EPC2: variants seen among roughly 807,000 people sequenced by gnomAD.
EPC2 encodes enhancer of polycomb 2, also known as enhancer of polycomb homolog 2.
Under a neutral mutation model 92.1 loss-of-function variants are expected in EPC2, and 14 were observed. The observed-to-expected ratio is 0.15, with a 90% CI of 0.10 to 0.24. The LOEUF is 0.24. Ranked by LOEUF, EPC2 falls within the 10% of genes least tolerant of loss-of-function variation. EPC2 has a pLI of 1.00. For synonymous variants in EPC2, 340 were observed against 334.7 expected, an observed-to-expected ratio of 1.02 and a Z score of -0.17; for missense variants, 755 against 971.5, an observed-to-expected ratio of 0.78 and a Z score of 2.96.
rs563213879 is a variant in EPC2, at chr2:148,768,478, A to G, written c.1141-673A>G. On this transcript the variant is annotated intron_variant, in intron 7 of 13. Coordinates refer to ENST00000258484, the MANE Select transcript of EPC2 (RefSeq NM_015630.4). ...TGGGAAGAGTGCTTTCTAATATGTG[A>G]CAGCTTTCTGAAAGTCTTTATTCTT... Among the ~76,000 whole-genome samples the G allele has an allele frequency of 2.0e-5, 3 of 152,348 alleles. No homozygotes were observed. The East Asian group carries it at 5.8e-4, about 29-fold the overall frequency.
At position 148,718,749 on chromosome 2, in the gene EPC2, G is replaced by A. The variant is rs374272180; in HGVS notation, c.314-24873G>A. ...ATTCTTCTCATGGAGTATCTTACTG[G>A]GGTTCTCTGTATTTCCTGAATTTGA... On this transcript the variant is annotated intron_variant, in intron 2 of 13. Coordinates refer to ENST00000258484, the MANE Select transcript of EPC2 (RefSeq NM_015630.4). Among the ~76,000 whole-genome samples the A allele has an allele frequency of 3.9e-5, 6 of 152,134 alleles. No homozygotes were observed. The East Asian group carries it at 5.8e-4, about 15-fold the overall frequency.
At chr2:148,667,930 CTG>C (rs1681084322) in intron 1 of EPC2, among the ~76,000 whole-genome samples, 1 of 152,114 alleles carries the variant, frequency 6.6e-6, no homozygotes, top group Admixed American at 6.5e-5. Context: ...GAGTCTCACT[CTG>C]TTGCCCAGGC....
intron 2 of EPC2, among the ~76,000 whole-genome samples, chr2:148,697,674 A>G (rs1681779033): frequency 1.3e-5 from 2 of 152,178 alleles, no homozygotes; most frequent in South Asian, 4.2e-4. Context: ...TAGGGCAGCA[A>G]TACAAGCTGA....
intron 1 of EPC2, among the ~76,000 whole-genome samples, chr2:148,667,151 C>CATTA (rs1681071317): frequency 6.6e-6 from 1 of 152,046 alleles, no homozygotes; most frequent in Non-Finnish European, 1.5e-5. Context: ...TAGGATGGGC[C>CATTA]ACGTTATTAA....
rs1481799809 is a variant in EPC2, at chr2:148,761,830, C to T, written c.715C>T (p.Arg239Ter). Residue 239 changes from arginine to a stop codon, truncating the protein, a stop_gained, in exon 5 of 14, where the codon CGA becomes TGA. Transcript: ENST00000258484. LOFTEE classifies it high-confidence loss of function. ...TTATGAAAAGATGTTGAAACTGAGA[C>T]GAGAATTTAGTAGAGCCATAACAAT... ...ASYEKMLKLR[R>*]EFSRAITILE... The T allele has an allele frequency of 1.9e-6, 3 of 1,581,110 alleles. No homozygotes were observed. Among genetic ancestry groups the T allele is most frequent in the Non-Finnish European group, 1.7e-6 (2 of 1,166,178 alleles).
rs944062076 is a variant in EPC2 at position 148,786,904 on chromosome 2, T to G, written c.*527T>G. 1 of 153,126 alleles carries G rather than the reference T, an allele frequency of 6.5e-6. No individual in the cohort carries two copies. Among genetic ancestry groups the G allele is most frequent in the Non-Finnish European group, 1.5e-5 (1 of 68,418 alleles). 9.5% of individuals were successfully genotyped at this position (153,126 alleles called of 1,614,324 possible). On this transcript the variant is annotated 3_prime_UTR_variant, in exon 14 of 14. Transcript: ENST00000258484. ...ACTAGATGGACTTTTTGGTAAATAC[T>G]TTAGTGGCATTTCACTGTCAAATAT...
At chr2:148,684,109 T>C (rs972052102) in intron 1 of EPC2, among the ~76,000 whole-genome samples, 4 of 152,212 alleles carry the variant, frequency 2.6e-5, no homozygotes, top group African/African-American at 4.8e-5. Context: ...TCACTGACGA[T>C]TAGTGATGTT....
chr2:148,673,711 G>A (rs1242876492), intron 1 of EPC2, among the ~76,000 whole-genome samples: 1 of 152,058 alleles, frequency 6.6e-6, no homozygotes, highest in African/African-American at 2.4e-5. Context: ...AGCCTCCCAA[G>A]TATCTGGGAT....
chr2:148,680,208 A>G (rs981894759), intron 1 of EPC2, among the ~76,000 whole-genome samples: 4 of 151,910 alleles, frequency 2.6e-5, no homozygotes, highest in Admixed American at 6.6e-5. Flanking sequence ...CTAAAAGTCA[A>G]TAGTTTAGAT....
chr2:148,781,710 A>G lies in EPC2; in HGVS notation c.1787A>G (p.Gln596Arg), dbSNP rs554145861. 20 of 1,614,024 alleles carry G rather than the reference A, an allele frequency of 1.2e-5. No individual in the cohort carries two copies. In the South Asian group the frequency reaches 2.2e-4, roughly 18 times the overall value. ...CAGCAGTTAGTTCAGATGCAAAGGC[A>G]GCAACTTGCCCAGCTTCAGCAGAAA... is the stretch of plus-strand genomic sequence containing the variant. Reference protein sequence around the residue: ...HQQQLVQMQRQQLAQLQQKQQ... With the variant: ...HQQQLVQMQRRQLAQLQQKQQ... Residue 596 changes from glutamine to arginine, a missense_variant, in exon 11 of 14, where the codon CAG becomes CGG. Gln to Arg is a conservative substitution (Grantham distance 43). Around this residue, in one of 4 missense-constraint regions of EPC2, gnomAD observed 207 missense variants for 260.5 expected, o/e 0.79. Coordinates refer to ENST00000258484, the MANE Select transcript of EPC2 (RefSeq NM_015630.4).
At chr2:148,718,822 C>T (rs891798510) in intron 2 of EPC2, among the ~76,000 whole-genome samples, 3 of 152,148 alleles carry the variant, frequency 2.0e-5, no homozygotes, top group African/African-American at 7.2e-5. Flanking sequence ...AAATGATATC[C>T]TGAAGTATGT....
intron 2 of EPC2, chr2:148,692,317 T>A (rs1204712284): frequency 6.5e-6 from 1 of 154,952 alleles, no homozygotes; most frequent in East Asian, 1.9e-4. Flanking sequence ...TTTATTGCAA[T>A]TATTTGTAAC....
intron 3 of EPC2, among the ~76,000 whole-genome samples, chr2:148,744,575 T>A (rs971984559): frequency 2.0e-5 from 3 of 152,116 alleles, no homozygotes; most frequent in African/African-American, 7.2e-5. Flanking sequence ...TATTTATACA[T>A]GTGCATAGAA....
intron 2 of EPC2, among the ~76,000 whole-genome samples, chr2:148,706,434 T>A (rs558353482): frequency 6.6e-6 from 1 of 151,976 alleles, no homozygotes; most frequent in Non-Finnish European, 1.5e-5. Context: ...CAGGATATTA[T>A]CCAGGAGAAC....
rs932464423 is a variant in EPC2 at position 148,662,690 on chromosome 2, A to G, written c.153+17520A>G. On this transcript the variant is annotated intron_variant, in intron 1 of 13. Coordinates refer to ENST00000258484, the MANE Select transcript of EPC2 (RefSeq NM_015630.4). ...TGTGGGGTGGGGGGAGGCGGGAGGA[A>G]TAGCATTAGGAGATATACCTAATCC... Among the ~76,000 whole-genome samples, 5 of 152,108 alleles carry G rather than the reference A, an allele frequency of 3.3e-5. No homozygotes were observed. In the East Asian group the frequency reaches 7.7e-4, roughly 23 times the overall value.
At position 148,771,047 on chromosome 2, in the gene EPC2, C is replaced by T. The variant is rs1683505799; in HGVS notation, c.1380C>T (p.Val460=). Residue 460 remains valine, a synonymous_variant, in exon 10 of 14, where the codon GTC becomes GTT. Transcript: ENST00000258484. ...ARRRIGRGGR[V]IMDRISTEHD... ...TTGGTTTTATTTTGCTTTTCAGGGT[C>T]ATAATGGACCGAATATCCACAGAAC... The T allele has an allele frequency of 1.2e-6, 2 of 1,602,020 alleles. No homozygotes were observed. Among genetic ancestry groups the T allele is most frequent in the African/African-American group, 2.7e-5 (2 of 74,330 alleles).
chr2:148,749,479 G>GTT (rs77332023), intron 3 of EPC2, among the ~76,000 whole-genome samples: 3 of 143,256 alleles, frequency 2.1e-5, no homozygotes, highest in African/African-American at 2.5e-5. Context: ...CACATCATCG[G>GTT]TTTTTTTTTT....
intron 10 of EPC2, among the ~76,000 whole-genome samples, chr2:148,772,314 C>G (rs748069750): frequency 5.3e-5 from 8 of 152,000 alleles, no homozygotes; most frequent in African/African-American, 1.9e-4. Context: ...TTATAGATAT[C>G]TTTATACATT....
At chr2:148,717,646 G>C (rs1328952810) in intron 2 of EPC2, among the ~76,000 whole-genome samples, 1 of 152,148 alleles carries the variant, frequency 6.6e-6, no homozygotes, top group East Asian at 1.9e-4. Flanking sequence ...ATTTGCTGAG[G>C]AGTGTTTTAC....
Sources: gnomAD v4.1 joint callset for allele counts (sites outside exome capture counted in the v4.1 genomes callset) on GRCh38, gnomAD v4.1.1 for gene constraint, gnomAD v4.1.1 regional missense constraint, MANE v1.5 for transcripts, NCBI Gene and HGNC (gene_info 2026-07-23, HGNC 2026-07-21) for gene names.